CCDC171: variants seen among roughly 807,000 people sequenced by gnomAD.
The protein encoded by CCDC171 is coiled-coil domain-containing protein 171.
Under a neutral mutation model 168.2 loss-of-function variants are expected in CCDC171, and 177 were observed. That is an observed-to-expected ratio of 1.05 (90% CI 0.93 to 1.19). The LOEUF (loss-of-function observed/expected upper bound fraction) is 1.19, where lower values mean the gene tolerates loss of function less well. Among genes scored for constraint, CCDC171 ranks in the 50% most tolerant of loss-of-function variants. The probability of loss-of-function intolerance (pLI) is 0.00; values close to 1 mark genes in which losing one functional copy is unlikely to be tolerated. For missense variants in CCDC171, 1,991 were observed against 1,539.0 expected (o/e 1.29, Z -4.91); for synonymous variants, 687 against 540.8 (o/e 1.27, Z -3.75).
chr9:15,574,145 T>C lies in CCDC171; in HGVS notation c.177+2386T>C, dbSNP rs138095524. ...TCAATTATTTCTTTTCTTTCTCTTTTTCTTTTTTTTTTTGAGACAGAGTCT... is the reference window on the plus strand; with the variant it reads ...TCAATTATTTCTTTTCTTTCTCTTTCTCTTTTTTTTTTTGAGACAGAGTCT... On this transcript the variant is annotated intron_variant, in intron 3 of 25. Coordinates refer to ENST00000380701, the MANE Select transcript of CCDC171 (RefSeq NM_173550.4). Among the ~76,000 whole-genome samples, 217 of 151,258 alleles carry C rather than the reference T, an allele frequency of 1.4e-3. 1 individual carries two copies. The highest frequency in any genetic ancestry group is 5.1e-3 in the African/African-American group (207 of 40,764).
the CCDC171 span, among the ~76,000 whole-genome samples, chr9:16,089,375 A>C: frequency 6.6e-6 from 1 of 151,936 alleles, no homozygotes; most frequent in Non-Finnish European, 1.5e-5. Flanking sequence ...GAAGCTCTTA[A>C]GTTTAATTAG....
At chr9:15,657,353 G>T in intron 8 of CCDC171, 134 bp downstream of exon 8, 1 of 566,004 alleles carries the variant, frequency 1.8e-6, no homozygotes, top group Non-Finnish European at 3.3e-6. Flanking sequence ...ACTCATTATT[G>T]TATATAAGGT....
rs1469539896 is a variant in CCDC171, at chr9:15,841,638, TA to T, written c.3268-5060del. Among the ~76,000 whole-genome samples the T allele has an allele frequency of 3.9e-5, 6 of 152,006 alleles. No homozygotes were observed. The East Asian group carries it at 1.2e-3, about 29-fold the overall frequency. On this transcript the variant is annotated intron_variant, in intron 21 of 25. Coordinates refer to ENST00000380701, the MANE Select transcript of CCDC171 (RefSeq NM_173550.4). ...TAACTTTGTATTTAAATTCCTCATA[TA>T]AAATATAAGATACCAAGATCGAAAT...
intron 25 of CCDC171, among the ~76,000 whole-genome samples, chr9:15,949,418 G>C (rs1292687875): frequency 2.0e-5 from 3 of 152,124 alleles, no homozygotes; most frequent in Non-Finnish European, 1.5e-5. Context: ...TGGGCAGTAT[G>C]GCCATTTTCA....
intron 6 of CCDC171, among the ~76,000 whole-genome samples, chr9:15,601,491 G>C (rs1229251075): frequency 6.6e-6 from 1 of 152,174 alleles, no homozygotes; most frequent in Non-Finnish European, 1.5e-5. Flanking sequence ...TTTGTAGTTT[G>C]TGTAGTTAAT....
chr9:15,899,034 C>G (rs1821288339), intron 24 of CCDC171, among the ~76,000 whole-genome samples: 2 of 152,152 alleles, frequency 1.3e-5, no homozygotes, highest in Admixed American at 1.3e-4. Context: ...ATAAGTTTGT[C>G]ATTTCAATAA....
Position 15,560,930 on chromosome 9 carries a change from G to A in CCDC171, c.-111-3048G>A, listed in dbSNP as rs190172010. 8.0e-4 allele frequency among the ~76,000 whole-genome samples: 121 copies of A among 152,122 alleles called. 1 individual carries two copies. Among genetic ancestry groups the A allele is most frequent in the African/African-American group, 2.7e-3 (112 of 41,544 alleles). ...GAGGTTTTCATGTGGATGTTTATTC[G>A]TTTTCCTTCTAACAGTCAGGACCCT... On this transcript the variant is annotated intron_variant, in intron 1 of 25. Transcript: ENST00000380701.
chr9:15,677,293 C>A (rs12377817), intron 9 of CCDC171, among the ~76,000 whole-genome samples: 1 of 151,924 alleles, frequency 6.6e-6, no homozygotes, highest in South Asian at 2.1e-4. Context: ...TCCTTTTACA[C>A]GTGTTTATTT....
At chr9:16,050,253 G>T (rs1308589383) in intron 1 of CCDC171, among the ~76,000 whole-genome samples, 1 of 152,210 alleles carries the variant, frequency 6.6e-6, no homozygotes, top group Non-Finnish European at 1.5e-5. Context: ...AGTGTATGAG[G>T]CTACTTAATG....
In CCDC171 at chr9:15,887,384, T is replaced by G. The variant is rs555742068; in HGVS notation, c.3600+12721T>G. ...TTCTAGTAACAGTAGTAGGTTTTTT[T>G]CCCCCTTTTCCCACCAAAAGTCTCA... On this transcript the variant is annotated intron_variant, in intron 24 of 25. Transcript: ENST00000380701. Among the ~76,000 whole-genome samples, 6 of 152,200 alleles carry G rather than the reference T, an allele frequency of 3.9e-5. No individual in the cohort carries two copies. In the South Asian group the frequency reaches 1.2e-3, roughly 32 times the overall value.
At chr9:16,058,326 AC>A (rs367958779) in intron 1 of CCDC171, among the ~76,000 whole-genome samples, 6 of 151,784 alleles carry the variant, frequency 4.0e-5, no homozygotes, top group African/African-American at 1.5e-4. Flanking sequence ...CTCATCATCC[AC>A]CGTGAGAACA....
the CCDC171 span, among the ~76,000 whole-genome samples, chr9:16,099,211 A>T: frequency 6.6e-6 from 1 of 152,238 alleles, no homozygotes; most frequent in African/African-American, 2.4e-5. Context: ...CCAGGCTTTT[A>T]GATACCCTTA....
intron 21 of CCDC171, among the ~76,000 whole-genome samples, chr9:15,815,108 C>T (rs984050274): frequency 2.0e-5 from 3 of 152,168 alleles, no homozygotes; most frequent in Non-Finnish European, 2.9e-5. Context: ...AGCTCTTGTT[C>T]ACACACCCCT....
intron 1 of CCDC171, among the ~76,000 whole-genome samples, chr9:15,554,253 ATC>A (rs1184538621): frequency 2.0e-5 from 3 of 152,062 alleles, no homozygotes; most frequent in Non-Finnish European, 4.4e-5. Context: ...ATCTCCTGAC[ATC>A]GTGATCCGCC....
At chr9:16,068,269 C>G in the CCDC171 span, among the ~76,000 whole-genome samples, 2 of 151,462 alleles carry the variant, frequency 1.3e-5, no homozygotes, top group Non-Finnish European at 2.9e-5. Flanking sequence ...AGGACCTCTT[C>G]AAGGAGAACT....
At chr9:16,080,895 T>C in the CCDC171 span, among the ~76,000 whole-genome samples, 17 of 152,298 alleles carry the variant, frequency 1.1e-4, no homozygotes, top group African/African-American at 3.4e-4. Flanking sequence ...GCTTCTGTTT[T>C]TGCTGATGTG....
intron 10 of CCDC171, among the ~76,000 whole-genome samples, chr9:15,689,337 C>G (rs182648649): frequency 6.6e-6 from 1 of 152,286 alleles, no homozygotes; most frequent in Admixed American, 6.5e-5. Flanking sequence ...TGGAAGACAG[C>G]TATGCTTACC....
At chr9:15,849,990 A>T (rs2061058127) in intron 23 of CCDC171, among the ~76,000 whole-genome samples, 1 of 151,870 alleles carries the variant, frequency 6.6e-6, no homozygotes. Flanking sequence ...AGCTTCTTTG[A>T]AATTATTATT....
chr9:15,721,058 C>A (rs1426358549), intron 11 of CCDC171, among the ~76,000 whole-genome samples: 2 of 152,150 alleles, frequency 1.3e-5, no homozygotes, highest in Non-Finnish European at 2.9e-5. Context: ...GCTCAACTAA[C>A]ATAATTTATG....
Sources: gnomAD v4.1 joint callset for allele counts (sites outside exome capture counted in the v4.1 genomes callset) on GRCh38, gnomAD v4.1.1 for gene constraint, MANE v1.5 for transcripts, NCBI Gene and HGNC (gene_info 2026-07-23, HGNC 2026-07-21) for gene names.